KRT38: variants seen among roughly 807,000 people sequenced by gnomAD.
The protein encoded by KRT38 is keratin 38.
KRT38 carries 45 observed loss-of-function variants against 43.1 expected under a neutral mutation model. The ratio of observed to expected loss-of-function variants is 1.04; its 90% CI spans 0.82 to 1.34. The LOEUF is 1.34. KRT38 is among the 40% of genes most tolerant of loss of function. The pLI, the probability that KRT38 is intolerant of heterozygous loss-of-function variation, is 0.00. For synonymous variants in KRT38, 258 were observed against 244.0 expected, an observed-to-expected ratio of 1.06 and a Z score of -0.53; for missense variants, 627 against 586.2, an observed-to-expected ratio of 1.07 and a Z score of -0.72.
In KRT38 at chr17:41,440,707, G is replaced by A. The variant is rs760822962; in HGVS notation, c.215C>T (p.Thr72Ile). The change falls in exon 1 of 7, where the codon ACC becomes ATC. Residue 72 changes from threonine to isoleucine, a missense_variant. By Grantham distance (89) the Thr-to-Ile change is moderately conservative (BLOSUM62 -1). Transcript: ENST00000246646. ...TGGCAAGGGACAAGCAGTGTGGCAG[G>A]TAGGCGGCAGACAGAGGCTGGGGCG... ...LGRPSLCLPP[T>I]CHTACPLPGT... The A allele has an allele frequency of 1.2e-6, 2 of 1,614,228 alleles. No homozygotes were observed. Among genetic ancestry groups the A allele is most frequent in the African/African-American group, 1.3e-5 (1 of 75,052 alleles).
Position 41,440,444 on chromosome 17 carries a change from C to T in KRT38, c.478G>A (p.Glu160Lys). The change falls in exon 1 of 7, where the codon GAG becomes AAG. Residue 160 changes from glutamate to lysine, a missense_variant. Transcript: ENST00000246646. ...DYQSYFHTIE[E>K]LQQKILCSKA... ...CCACACCTCACCTTCTGTTGGAGCTCCTCGATGGTGTGGAAGTAAGACTGG... is the reference window on the plus strand; with the variant it reads ...CCACACCTCACCTTCTGTTGGAGCTTCTCGATGGTGTGGAAGTAAGACTGG... The T allele has an allele frequency of 1.2e-6, 2 of 1,613,996 alleles. No individual in the cohort carries two copies. The highest frequency in any genetic ancestry group is 1.7e-6 in the Non-Finnish European group (2 of 1,179,850).
Position 41,440,762 on chromosome 17 carries a change from G to C in KRT38, c.160C>G (p.Arg54Gly). 1 of 1,613,662 alleles carries C rather than the reference G, an allele frequency of 6.2e-7. No homozygotes were observed. The highest frequency in any genetic ancestry group is 8.5e-7 in the Non-Finnish European group (1 of 1,179,712). Reference sequence around the variant, plus strand: ...AGGGGAGTGGACCCCACACGGACTCGGTTGGCATGTGCCACGTTGGCCAAA... The same window carrying C: ...AGGGGAGTGGACCCCACACGGACTCCGTTGGCATGTGCCACGTTGGCCAAA... ...CLLANVAHAN[R>G]VRVGSTPLGR... Residue 54 changes from arginine (R) to glycine (G), a missense_variant, in exon 1 of 7, where the codon CGA becomes GGA. Coordinates refer to ENST00000246646, the MANE Select transcript of KRT38 (RefSeq NM_006771.4).
At chr17:41,438,066 G>T (rs1278074090) in intron 6 of KRT38, 27 bp downstream of exon 6, 1 of 1,608,244 alleles carries the variant, frequency 6.2e-7, no homozygotes, top group Non-Finnish European at 8.5e-7. Context: ...AAATAATTTG[G>T]CCAGGAATTG....
In KRT38 at chr17:41,440,601, G is replaced by A; in HGVS notation, c.321C>T (p.Thr107=). 3 of 1,614,188 alleles carry A rather than the reference G, an allele frequency of 1.9e-6. No homozygotes were observed. The highest frequency in any genetic ancestry group is 2.5e-6 in the Non-Finnish European group (3 of 1,180,038). ...ENTLNGHEKE[T]MQFLNDRLAN... ...CCAGGCGGTCATTCAGGAACTGCAT[G>A]GTCTCCTTCTCATGGCCATTCAGGG... The change falls in exon 1 of 7, where the codon ACC becomes ACT. Residue 107 remains threonine (T), a synonymous_variant. Coordinates refer to ENST00000246646, the MANE Select transcript of KRT38 (RefSeq NM_006771.4).
chr17:41,438,473 A>G lies in KRT38; in HGVS notation c.1020+18T>C. ...GGCACGGGGCATTTGCAGTGCAGTG[A>G]GAGTGAAGGACACGTACCAAGGTGT... is the stretch of plus-strand genomic sequence containing the variant. On this transcript the variant is annotated intron_variant, in intron 5 of 6. Transcript: ENST00000246646. 6.2e-7 allele frequency: 1 copy of G among 1,614,206 alleles called. No homozygotes were observed. Among genetic ancestry groups the G allele is most frequent in the South Asian group, 1.1e-5 (1 of 91,078 alleles).
At position 41,440,834 on chromosome 17, in the gene KRT38, T is replaced by C. The variant is rs774597603; in HGVS notation, c.88A>G (p.Ile30Val). The stretch of plus-strand genomic sequence containing the variant: ...GCCTCTGCCCCAGGCTGGCACCCAA[T>C]GTCGATGGGAGAGACAGAGACATTT... Reference protein sequence around the residue: ...ARNVSVSPIDIGCQPGAEANI... With the variant: ...ARNVSVSPIDVGCQPGAEANI... The change falls in exon 1 of 7, where the codon ATT becomes GTT. Residue 30 changes from isoleucine to valine, a missense_variant. By Grantham distance (29) the Ile-to-Val change is conservative. Transcript: ENST00000246646. The C allele has an allele frequency of 3.1e-6, 5 of 1,604,094 alleles. No individual in the cohort carries two copies. The highest frequency in any genetic ancestry group is 3.4e-6 in the Non-Finnish European group (4 of 1,175,136).
At chr17:41,438,924 C>T in intron 3 of KRT38, 66 bp from the exon 4 acceptor site, 1 of 1,564,786 alleles carries the variant, frequency 6.4e-7, no homozygotes, top group East Asian at 2.2e-5. Flanking sequence ...GCAGACAGCA[C>T]CAGGACCCCG....
Position 41,440,703 on chromosome 17 carries a change from G to A in KRT38, c.219C>T (p.Cys73=), listed in dbSNP as rs201850909. The A allele has an allele frequency of 3.7e-6, 6 of 1,614,218 alleles. No homozygotes were observed. The highest frequency in any genetic ancestry group is 5.1e-6 in the Non-Finnish European group (6 of 1,180,036). ...GRPSLCLPPT[C]HTACPLPGTC... The stretch of plus-strand genomic sequence containing the variant: ...TCCCTGGCAAGGGACAAGCAGTGTG[G>A]CAGGTAGGCGGCAGACAGAGGCTGG... Residue 73 remains cysteine, a synonymous_variant, in exon 1 of 7, where the codon TGC becomes TGT. Transcript: ENST00000246646.
At chr17:41,437,609 C>T in intron 6 of KRT38, 68 bp from the exon 7 acceptor site, 2 of 1,492,500 alleles carry the variant, frequency 1.3e-6, no homozygotes, top group Middle Eastern at 2.4e-4. Flanking sequence ...CATGTGGGGG[C>T]ATGAGGAAGG....
At position 41,436,373 on chromosome 17, in the gene KRT38, G is replaced by A. The variant is rs1299266551; in HGVS notation, c.*1039C>T. Reference sequence around the variant, plus strand: ...GCTGGTGGCCAAGCAGGAGCTCTCAGAGGAAGGAACATTTCCGCTGACCTG... The same window carrying A: ...GCTGGTGGCCAAGCAGGAGCTCTCAAAGGAAGGAACATTTCCGCTGACCTG... On this transcript the variant is annotated 3_prime_UTR_variant, in exon 7 of 7. Coordinates refer to ENST00000246646, the MANE Select transcript of KRT38 (RefSeq NM_006771.4). 1 of 152,290 alleles carries A rather than the reference G, an allele frequency of 6.6e-6. No homozygotes were observed. The highest frequency in any genetic ancestry group is 2.4e-5 in the African/African-American group (1 of 41,430). The allele number at this position is 152,290 out of a possible 1,614,324, so 9.4% of individuals were successfully genotyped here. A position where few individuals can be genotyped will look rare whatever the true frequency, so the allele number is the denominator to read the frequency against.
At chr17:41,438,947 AGTAG>A in intron 3 of KRT38, 89 bp from the exon 4 acceptor site, 1 of 1,489,826 alleles carries the variant, frequency 6.7e-7, no homozygotes. Flanking sequence ...CCTGGCAAGC[AGTAG>A]GAGGGGAGTC....
rs1286341905 is a variant in KRT38, at chr17:41,438,686, C to A, written c.894+11G>T. The A allele has an allele frequency of 4.3e-6, 7 of 1,613,488 alleles. No individual in the cohort carries two copies. The Admixed American group carries it at 8.3e-5, about 19-fold the overall frequency. On this transcript the variant is annotated intron_variant, in intron 4 of 6. Transcript: ENST00000246646. ...CCAGGTACCCCCTGGTTCTATACCCCCCCCACTCACCTGGGCTTGGAACCA... is the reference window on the plus strand; with the variant it reads ...CCAGGTACCCCCTGGTTCTATACCCACCCCACTCACCTGGGCTTGGAACCA...
At position 41,440,738 on chromosome 17, in the gene KRT38, G is replaced by T; in HGVS notation, c.184C>A (p.Leu62Met). ...ANRVRVGSTP[L>M]GRPSLCLPPT... ...GGCAGACAGAGGCTGGGGCGGCCCA[G>T]GGGAGTGGACCCCACACGGACTCGG... The change falls in exon 1 of 7, where the codon CTG becomes ATG. Residue 62 changes from leucine (L) to methionine (M), a missense_variant. By Grantham distance (15) the Leu-to-Met change is conservative. Transcript: ENST00000246646. 1 of 1,614,084 alleles carries T rather than the reference G, an allele frequency of 6.2e-7. No homozygotes were observed. Among genetic ancestry groups the T allele is most frequent in the Non-Finnish European group, 8.5e-7 (1 of 1,179,966 alleles).
chr17:41,438,209 C>A lies in KRT38; in HGVS notation c.1125G>T (p.Glu375Asp). Residue 375 changes from glutamate to aspartate, a missense_variant, in exon 6 of 7, where the codon GAG (glutamate) becomes GAT (aspartate). Glu to Asp is a conservative substitution (Grantham distance 45). Coordinates refer to ENST00000246646, the MANE Select transcript of KRT38 (RefSeq NM_006771.4). Reference protein sequence around the residue: ...LISNVEEQLSEIRADLERQNQ... With the variant: ...LISNVEEQLSDIRADLERQNQ... The stretch of plus-strand genomic sequence containing the variant: ...TTTGCCGCTCCAGGTCGGCCCGGAT[C>A]TCAGACAGCTGCTCCTCCACGTTGC... 6.2e-7 allele frequency: 1 copy of A among 1,614,222 alleles called. No homozygotes were observed. Among genetic ancestry groups the A allele is most frequent in the Non-Finnish European group, 8.5e-7 (1 of 1,180,042 alleles).
chr17:41,440,829 C>A lies in KRT38; in HGVS notation c.93G>T (p.Gly31=). 1 of 1,606,424 alleles carries A rather than the reference C, an allele frequency of 6.2e-7. No individual in the cohort carries two copies. Among genetic ancestry groups the A allele is most frequent in the Non-Finnish European group, 8.5e-7 (1 of 1,176,224 alleles). The change falls in exon 1 of 7, where the codon GGG becomes GGT. Residue 31 remains glycine, a synonymous_variant. Transcript: ENST00000246646. ...TGTTGGCCTCTGCCCCAGGCTGGCA[C>A]CCAATGTCGATGGGAGAGACAGAGA... ...RNVSVSPIDI[G]CQPGAEANIA...
chr17:41,440,681 C>T lies in KRT38; in HGVS notation c.241G>A (p.Gly81Arg), dbSNP rs769748931. ...ATGTTGCCAGGAATGTGGCAGGTCCCTGGCAAGGGACAAGCAGTGTGGCAG... is the reference window on the plus strand; with the variant it reads ...ATGTTGCCAGGAATGTGGCAGGTCCTTGGCAAGGGACAAGCAGTGTGGCAG... ...PTCHTACPLP[G>R]TCHIPGNIGI... The change falls in exon 1 of 7, where the codon GGG (glycine) becomes AGG (arginine). Residue 81 changes from glycine (G) to arginine (R), a missense_variant. By Grantham distance (125) the Gly-to-Arg change is moderately radical (BLOSUM62 -2). Transcript: ENST00000246646. 43 of 1,614,096 alleles carry T rather than the reference C, an allele frequency of 2.7e-5. No individual in the cohort carries two copies. Among genetic ancestry groups the T allele is most frequent in the Non-Finnish European group, 3.6e-5 (43 of 1,180,050 alleles).
rs1335217117 is a variant in KRT38, at chr17:41,440,699, TGTGG to T, written c.219_222del (p.Cys73Ter). 1 of 1,614,118 alleles carries T rather than the reference TGTGG, an allele frequency of 6.2e-7. No homozygotes were observed. ...CAGGTCCCTGGCAAGGGACAAGCAG[TGTGG>T]CAGGTAGGCGGCAGACAGAGGCTGG... On this transcript the variant is annotated frameshift_variant, in exon 1 of 7. Transcript: ENST00000246646. LOFTEE classifies it high-confidence loss of function.
chr17:41,437,375 C>A lies in KRT38; in HGVS notation c.*37G>T, dbSNP rs775857390. On this transcript the variant is annotated 3_prime_UTR_variant, in exon 7 of 7. Transcript: ENST00000246646. Reference sequence around the variant, plus strand: ...ATAACAAGCATCTCTCTTTGGGTATCCCTCGCCTTAGCCAGCCCCTGTGGG... The same window carrying A: ...ATAACAAGCATCTCTCTTTGGGTATACCTCGCCTTAGCCAGCCCCTGTGGG... The A allele has an allele frequency of 6.7e-7, 1 of 1,503,468 alleles. No homozygotes were observed. Among genetic ancestry groups the A allele is most frequent in the East Asian group, 2.6e-5 (1 of 38,924 alleles). The allele number at this position is 1,503,468 out of a possible 1,614,324, so 93.1% of individuals were successfully genotyped here.
chr17:41,440,864 C>T lies in KRT38; in HGVS notation c.58G>A (p.Ala20Thr), dbSNP rs202240554. Residue 20 changes from alanine (A) to threonine (T), a missense_variant, in exon 1 of 7, where the codon GCA becomes ACA. Ala to Thr is a moderately conservative substitution (Grantham distance 58, BLOSUM62 0). Transcript: ENST00000246646. ...CPLGCTMAPG[A>T]RNVSVSPIDI... ...ATGGGAGAGACAGAGACATTTCTTG[C>T]TCCAGGAGCCATGGTGCAACCCAGA... 1 of 1,580,230 alleles carries T rather than the reference C, an allele frequency of 6.3e-7. No individual in the cohort carries two copies. The highest frequency in any genetic ancestry group is 8.6e-7 in the Non-Finnish European group (1 of 1,163,722).
Sources: allele counts gnomAD v4.1 joint callset, GRCh38; gene constraint gnomAD v4.1.1; transcripts MANE v1.5; gene names NCBI Gene and HGNC (gene_info 2026-07-23, HGNC 2026-07-21).